UGT8: variants seen among roughly 807,000 people sequenced by gnomAD.
UGT8 encodes UDP glycosyltransferase 8.
A neutral mutation model predicts 40.5 loss-of-function variants in UGT8; 12 were observed. That is an observed-to-expected ratio of 0.30 (90% CI 0.19 to 0.48). The LOEUF is 0.48. Among genes scored for constraint, UGT8 ranks in the 20% least tolerant of loss-of-function variants. The pLI is 0.99. For synonymous variants in UGT8, 224 were observed against 240.4 expected, an observed-to-expected ratio of 0.93 and a Z score of 0.63; for missense variants, 513 against 648.7, an observed-to-expected ratio of 0.79 and a Z score of 2.27.
chr4:114,619,289 A>C (rs1389761098), intron 1 of UGT8: 1 of 152,094 alleles, frequency 6.6e-6, no homozygotes, highest in Non-Finnish European at 1.5e-5. Flanking sequence ...CTTCAGGGGA[A>C]GTCTGGCCAT....
At chr4:114,646,003 C>T (rs562743053) in intron 2 of UGT8, among the ~76,000 whole-genome samples, 26 of 152,142 alleles carry the variant, frequency 1.7e-4, no homozygotes, top group Non-Finnish European at 2.5e-4. Flanking sequence ...TGCACAGAGA[C>T]GGAATATCTT....
chr4:114,631,279 C>T (rs555655443), intron 2 of UGT8, among the ~76,000 whole-genome samples: 1 of 152,218 alleles, frequency 6.6e-6, no homozygotes, highest in South Asian at 2.1e-4. Flanking sequence ...GTCAGGAGTT[C>T]TAGACCAGCC....
At chr4:114,647,053 C>G (rs1733614726) in intron 2 of UGT8, among the ~76,000 whole-genome samples, 1 of 152,150 alleles carries the variant, frequency 6.6e-6, no homozygotes, top group Non-Finnish European at 1.5e-5. Context: ...GTATACACAA[C>G]TAGAAACAGA....
chr4:114,627,755 G>A (rs940157823), intron 2 of UGT8, among the ~76,000 whole-genome samples: 6 of 152,148 alleles, frequency 3.9e-5, no homozygotes, highest in South Asian at 2.1e-4. Context: ...AATGGCCTAC[G>A]CTGCCAGGCA....
At chr4:114,637,005 G>T (rs1186098048) in intron 2 of UGT8, among the ~76,000 whole-genome samples, 1 of 152,156 alleles carries the variant, frequency 6.6e-6, no homozygotes, top group Non-Finnish European at 1.5e-5. Context: ...AAGCAGTAGT[G>T]AATATTTTAT....
intron 2 of UGT8, chr4:114,663,666 C>G: frequency 1.0e-6 from 1 of 984,174 alleles, no homozygotes; most frequent in African/African-American, 1.7e-5. Flanking sequence ...TTTGTGTCTG[C>G]ATACAAATTT....
At chr4:114,616,988 C>T (rs1731482348) in intron 1 of UGT8, among the ~76,000 whole-genome samples, 1 of 152,138 alleles carries the variant, frequency 6.6e-6, no homozygotes, top group African/African-American at 2.4e-5. Flanking sequence ...CATGGTGGCT[C>T]ATGCCTGTAA....
chr4:114,638,621 T>A (rs1396681846), intron 2 of UGT8, among the ~76,000 whole-genome samples: 2 of 152,210 alleles, frequency 1.3e-5, no homozygotes, highest in Non-Finnish European at 2.9e-5. Flanking sequence ...TTTAAACTCA[T>A]CTCCTGTGAC....
At chr4:114,610,534 A>G (rs1203465390) in intron 1 of UGT8, among the ~76,000 whole-genome samples, 1 of 152,194 alleles carries the variant, frequency 6.6e-6, no homozygotes, top group African/African-American at 2.4e-5. Flanking sequence ...CTTACCTGTT[A>G]GTAAAGGAAC....
chr4:114,662,140 C>T (rs941433617), intron 2 of UGT8, among the ~76,000 whole-genome samples: 2 of 152,102 alleles, frequency 1.3e-5, no homozygotes, highest in African/African-American at 4.8e-5. Flanking sequence ...GGGGTTCTGT[C>T]GTGATAAAAC....
At chr4:114,664,907 T>G (rs1238821217) in intron 3 of UGT8, among the ~76,000 whole-genome samples, 1 of 152,196 alleles carries the variant, frequency 6.6e-6, no homozygotes, top group Non-Finnish European at 1.5e-5. Flanking sequence ...AGATTTTCCC[T>G]TTATAGCAAA....
intron 1 of UGT8, among the ~76,000 whole-genome samples, chr4:114,610,699 G>A (rs62308125): frequency 0.16 from 24,846 of 152,024 alleles, 2,216 homozygotes; most frequent in East Asian, 0.24. Context: ...AGGGAAGTTT[G>A]TTATTTGTTC....
chr4:114,666,178 A>AG (rs1387232982), intron 4 of UGT8, among the ~76,000 whole-genome samples: 1 of 152,186 alleles, frequency 6.6e-6, no homozygotes, highest in Non-Finnish European at 1.5e-5. Context: ...AAGAGAAATT[A>AG]GAAGTTATTC....
At chr4:114,642,268 T>C (rs1427116688) in intron 2 of UGT8, among the ~76,000 whole-genome samples, 2 of 152,134 alleles carry the variant, frequency 1.3e-5, no homozygotes, top group Non-Finnish European at 2.9e-5. Flanking sequence ...CTGAGTCTTC[T>C]GTTCTCATTT....
At chr4:114,620,875 A>T (rs1422139008) in intron 1 of UGT8, among the ~76,000 whole-genome samples, 1 of 152,130 alleles carries the variant, frequency 6.6e-6, no homozygotes, top group African/African-American at 2.4e-5. Flanking sequence ...TACAAATAGG[A>T]GGGTTAATGT....
At chr4:114,666,756 G>A (rs1230736356) in intron 4 of UGT8, among the ~76,000 whole-genome samples, 2 of 151,678 alleles carry the variant, frequency 1.3e-5, no homozygotes, top group African/African-American at 4.8e-5. Context: ...TTGACTGTGA[G>A]GCTCTACTGC....
intron 2 of UGT8, among the ~76,000 whole-genome samples, chr4:114,640,033 G>GTTTTTTT: frequency 7.2e-6 from 1 of 139,246 alleles, no homozygotes. Context: ...ATGTTTGTTT[G>GTTTTTTT]TTTTTTTTTT....
chr4:114,642,100 C>G (rs532716143), intron 2 of UGT8, among the ~76,000 whole-genome samples: 2 of 152,240 alleles, frequency 1.3e-5, no homozygotes, highest in Admixed American at 1.3e-4. Context: ...ACAGCCTCCT[C>G]TTGTTAAAAT....
intron 2 of UGT8, among the ~76,000 whole-genome samples, chr4:114,626,919 ATAAAC>A (rs1215742371): frequency 6.6e-6 from 1 of 152,264 alleles, no homozygotes; most frequent in Non-Finnish European, 1.5e-5. Context: ...TAGAGATTTG[ATAAAC>A]TAAATCAGCC....
Sources: gnomAD v4.1 joint callset for allele counts (sites outside exome capture counted in the v4.1 genomes callset) on GRCh38, gnomAD v4.1.1 for gene constraint, MANE v1.5 for transcripts, NCBI Gene and HGNC (gene_info 2026-07-23, HGNC 2026-07-21) for gene names.